CSMD1: variants seen among roughly 807,000 people sequenced by gnomAD.
CSMD1 encodes the protein CUB and sushi domain-containing protein 1.
Under a neutral mutation model 417.5 loss-of-function variants are expected in CSMD1, and 213 were observed. That is an observed-to-expected ratio of 0.51 (90% confidence interval 0.46 to 0.57). CSMD1 has a LOEUF of 0.57. CSMD1 is among the 20% of genes least tolerant of loss of function. CSMD1 has a pLI of 0.00. For missense variants in CSMD1, 6,923 were observed against 4,529.7 expected (o/e 1.53, Z -15.17); for synonymous variants, 2,862 against 1,736.8 (o/e 1.65, Z -16.11).
intron 1 of CSMD1, among the ~76,000 whole-genome samples, chr8:4,891,099 C>T (rs1300894505): frequency 6.6e-6 from 1 of 152,136 alleles, no homozygotes; most frequent in Non-Finnish European, 1.5e-5. Context: ...AGCTTTGGAA[C>T]TAGCAAAGCC....
chr8:3,515,227 C>A (rs1447333853), intron 10 of CSMD1: 2 of 152,188 alleles, frequency 1.3e-5, no homozygotes, highest in Admixed American at 1.3e-4. Flanking sequence ...GTACATTTGA[C>A]ATCCTATTTG....
intron 3 of CSMD1, among the ~76,000 whole-genome samples, chr8:4,293,056 G>C (rs112679113): frequency 6.6e-6 from 1 of 152,178 alleles, no homozygotes; most frequent in Non-Finnish European, 1.5e-5. Context: ...TATTCCACCA[G>C]AGCTGCGTCT....
intron 3 of CSMD1, among the ~76,000 whole-genome samples, chr8:4,329,152 G>A (rs1435824244): frequency 6.6e-6 from 1 of 152,126 alleles, no homozygotes; most frequent in African/African-American, 2.4e-5. Context: ...TGTCTTGAAT[G>A]CACGGTTCTC....
At chr8:3,744,934 T>G (rs1280142764) in intron 6 of CSMD1, among the ~76,000 whole-genome samples, 1 of 152,182 alleles carries the variant, frequency 6.6e-6, no homozygotes, top group South Asian at 2.1e-4. Context: ...GACTGAGGTT[T>G]CTAAGGGCTT....
intron 5 of CSMD1, among the ~76,000 whole-genome samples, chr8:3,771,169 G>C (rs1399642527): frequency 2.0e-5 from 3 of 151,828 alleles, no homozygotes; most frequent in Non-Finnish European, 4.4e-5. Flanking sequence ...ATTATGACTT[G>C]GTGCACTTTG....
chr8:4,189,923 A>AT (rs147010795), intron 3 of CSMD1, among the ~76,000 whole-genome samples: 6,852 of 149,976 alleles, frequency 0.046, 173 homozygotes, highest in African/African-American at 0.066. Context: ...TCTTTTGCAT[A>AT]TTTTTTTTTT....
In CSMD1 at chr8:4,901,705, TAGCATAG is replaced by T. The variant is rs1289868636; in HGVS notation, c.85+92620_85+92626del. On this transcript the variant is annotated intron_variant, in intron 1 of 69. Transcript: ENST00000635120. ...ACTGGCAGTATGCATACTAGCATATTAGCATAGAGCATAGAGGATGCTGAATCATATT... is the reference window on the plus strand; with the variant it reads ...ACTGGCAGTATGCATACTAGCATATTAGCATAGAGGATGCTGAATCATATT... Among the ~76,000 whole-genome samples, 14 of 152,344 alleles carry T rather than the reference TAGCATAG, an allele frequency of 9.2e-5. No individual in the cohort carries two copies. The South Asian group carries it at 1.9e-3, about 20-fold the overall frequency.
intron 11 of CSMD1, among the ~76,000 whole-genome samples, chr8:3,469,829 T>G (rs377655504): frequency 2.6e-5 from 4 of 152,230 alleles, no homozygotes; most frequent in Non-Finnish European, 5.9e-5. Context: ...TACACACAAA[T>G]TGAAAAGAGG....
chr8:4,885,407 T>C (rs948874771), intron 1 of CSMD1, among the ~76,000 whole-genome samples: 2 of 152,108 alleles, frequency 1.3e-5, no homozygotes, highest in Admixed American at 1.3e-4. Flanking sequence ...CGATGTCTTG[T>C]TCCTGATCTT....
intron 30 of CSMD1, among the ~76,000 whole-genome samples, chr8:3,207,928 G>C (rs181957379): frequency 2.6e-5 from 4 of 152,206 alleles, no homozygotes; most frequent in Non-Finnish European, 5.9e-5. Flanking sequence ...AAAACTGAAG[G>C]TTTCCAATAG....
chr8:4,247,381 A>C (rs1159807368), intron 3 of CSMD1, among the ~76,000 whole-genome samples: 4 of 152,170 alleles, frequency 2.6e-5, no homozygotes, highest in Non-Finnish European at 5.9e-5. Context: ...AGGTAGAGTC[A>C]GTTGTAGAAT....
intron 3 of CSMD1, among the ~76,000 whole-genome samples, chr8:4,067,480 TTA>T (rs1396477914): frequency 4.5e-5 from 5 of 112,242 alleles, no homozygotes; most frequent in African/African-American, 1.6e-4. Flanking sequence ...ATGAAATAAA[TTA>T]CTTTTTTTTT....
At chr8:4,474,997 G>A (rs1309352537) in intron 2 of CSMD1, among the ~76,000 whole-genome samples, 1 of 152,096 alleles carries the variant, frequency 6.6e-6, no homozygotes, top group South Asian at 2.1e-4. Flanking sequence ...TACGTTTTGG[G>A]GGAGTTGAAA....
At chr8:3,048,507 G>A (rs948150123) in intron 50 of CSMD1, among the ~76,000 whole-genome samples, 5 of 152,004 alleles carry the variant, frequency 3.3e-5, no homozygotes, top group African/African-American at 1.2e-4. Context: ...TTCAATAAAT[G>A]GTGCTGGAAA....
chr8:4,900,033 A>G (rs1439089695), intron 1 of CSMD1, among the ~76,000 whole-genome samples: 2 of 151,956 alleles, frequency 1.3e-5, no homozygotes, highest in Admixed American at 1.3e-4. Flanking sequence ...CTCTTCCTCA[A>G]AATACGACGT....
intron 3 of CSMD1, among the ~76,000 whole-genome samples, chr8:4,387,444 C>G (rs188523581): frequency 1.2e-4 from 18 of 150,880 alleles, no homozygotes; most frequent in African/African-American, 4.4e-4. Flanking sequence ...TCAAGATATG[C>G]TTGGTCTCCA....
intron 3 of CSMD1, among the ~76,000 whole-genome samples, chr8:4,153,378 G>GTAA (rs1446655604): frequency 6.6e-6 from 1 of 152,238 alleles, no homozygotes; most frequent in Non-Finnish European, 1.5e-5. Context: ...AAGCAACAGT[G>GTAA]TAATACTCTG....
chr8:3,816,105 C>A (rs947193126), intron 5 of CSMD1, among the ~76,000 whole-genome samples: 5 of 152,140 alleles, frequency 3.3e-5, no homozygotes, highest in African/African-American at 1.2e-4. Context: ...ACCTTTAGGT[C>A]TCTATCTCAT....
At chr8:3,690,834 G>T (rs1229746844) in intron 7 of CSMD1, among the ~76,000 whole-genome samples, 2 of 152,096 alleles carry the variant, frequency 1.3e-5, no homozygotes, top group East Asian at 1.9e-4. Context: ...CAAAATTGAG[G>T]TTCTTTGAAT....
Sources: gnomAD v4.1 joint callset for allele counts (sites outside exome capture counted in the v4.1 genomes callset) on GRCh38, gnomAD v4.1.1 for gene constraint, MANE v1.5 for transcripts, NCBI Gene and HGNC (gene_info 2026-07-23, HGNC 2026-07-21) for gene names.